AUTS2: variants seen among roughly 807,000 people sequenced by gnomAD.
The protein encoded by AUTS2 is autism susceptibility gene 2 protein.
A neutral mutation model predicts 112.4 loss-of-function variants in AUTS2; 17 were observed. The observed-to-expected ratio is 0.15, with a 90% CI of 0.10 to 0.23. The LOEUF (loss-of-function observed/expected upper bound fraction) is 0.23, where lower values mean the gene tolerates loss of function less well. Among genes scored for constraint, AUTS2 ranks in the 10% least tolerant of loss-of-function variants. AUTS2 has a pLI of 1.00. For synonymous variants in AUTS2, 751 were observed against 702.7 expected, an observed-to-expected ratio of 1.07 and a Z score of -1.09; for missense variants, 1,510 against 1,701.6, an observed-to-expected ratio of 0.89 and a Z score of 1.98.
intron 4 of AUTS2, among the ~76,000 whole-genome samples, chr7:70,160,454 A>G (rs1269939117): frequency 6.6e-6 from 1 of 152,216 alleles, no homozygotes; most frequent in African/African-American, 2.4e-5. Flanking sequence ...CATTGGAAGA[A>G]TAACTTCTAA....
At chr7:70,517,871 A>G (rs1799483968) in intron 5 of AUTS2, among the ~76,000 whole-genome samples, 2 of 152,182 alleles carry the variant, frequency 1.3e-5, no homozygotes, top group East Asian at 1.9e-4. Flanking sequence ...AGTTACATTA[A>G]TGATGGAAAT....
intron 4 of AUTS2, among the ~76,000 whole-genome samples, chr7:70,373,480 A>G (rs1403130354): frequency 6.6e-6 from 1 of 152,076 alleles, no homozygotes; most frequent in Non-Finnish European, 1.5e-5. Context: ...TCCTCCTACT[A>G]CTGAGAATTT....
At chr7:69,945,515 A>G (rs1211647680) in intron 2 of AUTS2, among the ~76,000 whole-genome samples, 2 of 152,186 alleles carry the variant, frequency 1.3e-5, no homozygotes, top group African/African-American at 4.8e-5. Context: ...TGATGATTTG[A>G]TATATGTATA....
intron 2 of AUTS2, among the ~76,000 whole-genome samples, chr7:70,087,631 A>C (rs762993717): frequency 3.9e-5 from 6 of 152,056 alleles, no homozygotes; most frequent in Non-Finnish European, 8.8e-5. Flanking sequence ...GGCCTCCCAA[A>C]GTGCTGGGCT....
At chr7:70,468,545 C>T (rs1797255006) in intron 5 of AUTS2, among the ~76,000 whole-genome samples, 1 of 152,124 alleles carries the variant, frequency 6.6e-6, no homozygotes, top group Admixed American at 6.5e-5. Flanking sequence ...AATCACTGAC[C>T]CCTCCCTGCC....
rs549200923 is a variant in AUTS2 at position 70,753,799 on chromosome 7, T to C, written c.743-9071T>C. On this transcript the variant is annotated intron_variant, in intron 6 of 18. Transcript: ENST00000342771. Reference sequence around the variant, plus strand: ...GGGGTTTTAATACGTATATACAATGTGCAGTCTTTGCTTAAAAAGAGATTT... The same window carrying C: ...GGGGTTTTAATACGTATATACAATGCGCAGTCTTTGCTTAAAAAGAGATTT... Among the ~76,000 whole-genome samples the C allele has an allele frequency of 2.5e-3, 380 of 152,338 alleles. 5 individuals are homozygous for C. Among genetic ancestry groups the C allele is most frequent in the African/African-American group, 7.5e-3 (313 of 41,578 alleles).
At chr7:69,874,923 C>T (rs546273378) in intron 1 of AUTS2, among the ~76,000 whole-genome samples, 16 of 151,602 alleles carry the variant, frequency 1.1e-4, no homozygotes, top group African/African-American at 3.4e-4. Context: ...GCCATTACGT[C>T]CAGTTGCATT....
At chr7:70,590,980 G>A (rs1802915384) in intron 5 of AUTS2, among the ~76,000 whole-genome samples, 1 of 152,196 alleles carries the variant, frequency 6.6e-6, no homozygotes, top group Non-Finnish European at 1.5e-5. Context: ...CAGAGTTAAA[G>A]GAACTTGTAG....
At chr7:70,414,636 C>T (rs900823982) in intron 4 of AUTS2, among the ~76,000 whole-genome samples, 1 of 152,092 alleles carries the variant, frequency 6.6e-6, no homozygotes, top group South Asian at 2.1e-4. Context: ...GGATTCTGCT[C>T]ACTGCCTAGA....
chr7:70,168,460 G>A (rs1282019230), intron 4 of AUTS2, among the ~76,000 whole-genome samples: 1 of 152,090 alleles, frequency 6.6e-6, no homozygotes, highest in Non-Finnish European at 1.5e-5. Flanking sequence ...GGGACTACAG[G>A]CGCTGCCACC....
intron 3 of AUTS2, among the ~76,000 whole-genome samples, chr7:70,129,901 T>TGTG (rs1554319605): frequency 6.8e-6 from 1 of 147,322 alleles, no homozygotes; most frequent in Non-Finnish European, 1.5e-5. Context: ...TATATATATA[T>TGTG]TGTGTGTGTG....
chr7:70,706,093 A>T (rs1309846784), intron 6 of AUTS2, among the ~76,000 whole-genome samples: 4 of 152,332 alleles, frequency 2.6e-5, no homozygotes, highest in Middle Eastern at 3.4e-3. Context: ...GCTCTTCTGC[A>T]TCAAGTCACT....
intron 2 of AUTS2, among the ~76,000 whole-genome samples, chr7:70,028,009 G>A (rs1000143581): frequency 3.3e-5 from 5 of 152,164 alleles, no homozygotes; most frequent in African/African-American, 1.2e-4. Flanking sequence ...TCTTGATGAG[G>A]TGATAGGCTT....
chr7:70,101,546 T>G (rs1210792875), intron 2 of AUTS2, among the ~76,000 whole-genome samples: 2 of 151,968 alleles, frequency 1.3e-5, no homozygotes, highest in African/African-American at 4.8e-5. Context: ...AATACAAAAA[T>G]TAGCCGGGCA....
At chr7:69,979,730 G>A (rs1798215564) in intron 2 of AUTS2, among the ~76,000 whole-genome samples, 1 of 152,202 alleles carries the variant, frequency 6.6e-6, no homozygotes, top group Non-Finnish European at 1.5e-5. Context: ...ACCCTTGTTT[G>A]CTACTGAGGG....
intron 1 of AUTS2, among the ~76,000 whole-genome samples, chr7:69,795,526 T>G (rs1352912714): frequency 6.6e-6 from 1 of 152,036 alleles, no homozygotes; most frequent in East Asian, 1.9e-4. Flanking sequence ...GCCAAAAAAT[T>G]ACTCTTGCAA....
intron 1 of AUTS2, among the ~76,000 whole-genome samples, chr7:69,756,699 A>C (rs1246749528): frequency 6.6e-6 from 1 of 151,988 alleles, no homozygotes; most frequent in African/African-American, 2.4e-5. Flanking sequence ...ATGACTTGCT[A>C]GTAACTACCA....
intron 2 of AUTS2, among the ~76,000 whole-genome samples, chr7:70,101,635 C>T (rs1804500987): frequency 6.6e-6 from 1 of 152,220 alleles, no homozygotes; most frequent in African/African-American, 2.4e-5. Flanking sequence ...GCAGAGGTTG[C>T]AGTGAGCTGA....
chr7:69,908,410 CTT>C (rs1245918733), intron 2 of AUTS2, among the ~76,000 whole-genome samples: 2 of 152,210 alleles, frequency 1.3e-5, no homozygotes, highest in East Asian at 1.9e-4. Flanking sequence ...GCAGATATAA[CTT>C]TGTTATTTAC....
Sources: allele counts gnomAD v4.1 joint callset (sites outside exome capture counted in the v4.1 genomes callset), GRCh38; gene constraint gnomAD v4.1.1; transcripts MANE v1.5; gene names NCBI Gene and HGNC (gene_info 2026-07-23, HGNC 2026-07-21).